ARFGEF1: variants seen among roughly 807,000 people sequenced by gnomAD.
ARFGEF1 encodes the protein ARF guanine nucleotide exchange factor 1.
ARFGEF1 carries 42 observed loss-of-function variants against 231.0 expected under a neutral mutation model. The observed-to-expected ratio is 0.18, with a 90% CI of 0.14 to 0.24. The LOEUF is 0.24. ARFGEF1 is among the 10% of genes least tolerant of loss of function. The probability of loss-of-function intolerance (pLI) is 1.00; values close to 1 mark genes in which losing one functional copy is unlikely to be tolerated. For missense variants in ARFGEF1, 1,345 were observed against 2,192.0 expected, an observed-to-expected ratio of 0.61 and a Z score of 7.72; for synonymous variants, 710 against 732.3, an observed-to-expected ratio of 0.97 and a Z score of 0.49.
At chr8:67,175,650 G>A (rs1241831653) in intron 5 of ARFGEF1, 5 of 672,624 alleles carry the variant, frequency 7.4e-6, no homozygotes, top group Middle Eastern at 2.4e-4. Context: ...TGCATGAGAG[G>A]GGCCCAGTCA....
downstream of ARFGEF1, among the ~76,000 whole-genome samples, chr8:67,196,575 A>G (rs1381379461): frequency 1.3e-5 from 2 of 152,226 alleles, no homozygotes; most frequent in South Asian, 2.1e-4. Flanking sequence ...GGTAGACAAT[A>G]TCAGACAAAT....
chr8:67,302,735 T>C (rs907844685), intron 1 of ARFGEF1, among the ~76,000 whole-genome samples: 1 of 151,992 alleles, frequency 6.6e-6, no homozygotes, highest in Non-Finnish European at 1.5e-5. Flanking sequence ...TCTCAAAGCA[T>C]TTCCTTTTTC....
intron 29 of ARFGEF1, among the ~76,000 whole-genome samples, chr8:67,223,861 T>C (rs1839285534): frequency 1.3e-5 from 2 of 152,168 alleles, no homozygotes; most frequent in Admixed American, 6.5e-5. Flanking sequence ...TTTTAACAAG[T>C]TCCTAACAGG....
downstream of ARFGEF1, chr8:67,195,820 A>AAATT (rs1837833986): frequency 2.0e-6 from 1 of 491,066 alleles, no homozygotes. Flanking sequence ...GTTTTGTCAT[A>AAATT]AATTAGGGTG....
chr8:67,238,766 T>A lies in ARFGEF1; in HGVS notation c.3107A>T (p.Asp1036Val), dbSNP rs1839843316. The A allele has an allele frequency of 1.9e-6, 3 of 1,613,656 alleles. No homozygotes were observed. The highest frequency in any genetic ancestry group is 2.5e-6 in the Non-Finnish European group (3 of 1,179,836). ...IKTLITVAHT[D>V]GNYLGNSWHE... ...CCATGAATTTCCTAAATAATTTCCATCTGTATGAGCCACTGTGATAAGTGT... is the reference window on the plus strand; with the variant it reads ...CCATGAATTTCCTAAATAATTTCCAACTGTATGAGCCACTGTGATAAGTGT... Residue 1036 changes from aspartate (D) to valine (V), a missense_variant, in exon 21 of 39, where the codon GAT becomes GTT. Transcript: ENST00000262215.
At chr8:67,297,663 C>T (rs988471794) in intron 4 of ARFGEF1, among the ~76,000 whole-genome samples, 1 of 152,128 alleles carries the variant, frequency 6.6e-6, no homozygotes, top group African/African-American at 2.4e-5. Flanking sequence ...GGGTTACTTC[C>T]AATTTCTCAA....
chr8:67,272,734 C>T (rs906025157), intron 9 of ARFGEF1, among the ~76,000 whole-genome samples: 1 of 152,128 alleles, frequency 6.6e-6, no homozygotes, highest in African/African-American at 2.4e-5. Context: ...AGTGACAGCA[C>T]TAATTCAAGC....
At chr8:67,311,631 G>A (rs1215043128) in intron 1 of ARFGEF1, among the ~76,000 whole-genome samples, 52 of 150,448 alleles carry the variant, frequency 3.5e-4, no homozygotes, top group African/African-American at 5.4e-4. Context: ...CAGCCCCCCC[G>A]CCCAGCCAGC....
At chr8:67,257,857 TTA>T in intron 16 of ARFGEF1, 41 bp from the exon 17 acceptor site, 1 of 1,501,936 alleles carries the variant, frequency 6.7e-7, no homozygotes, top group Non-Finnish European at 9.1e-7. Flanking sequence ...TTCTACTGTT[TTA>T]TATAGTTTCA....
chr8:67,212,687 T>C (rs574071516), intron 33 of ARFGEF1, among the ~76,000 whole-genome samples: 1 of 152,224 alleles, frequency 6.6e-6, no homozygotes, highest in South Asian at 2.1e-4. Flanking sequence ...CCTTACCTGC[T>C]GTGTGAAAGG....
chr8:67,329,002 C>T (rs1304330373), intron 1 of ARFGEF1, among the ~76,000 whole-genome samples: 1 of 151,978 alleles, frequency 6.6e-6, no homozygotes, highest in Non-Finnish European at 1.5e-5. Context: ...TTGAGGCGGG[C>T]GGATCACGAG....
At chr8:67,267,316 G>A (rs751958382) in intron 11 of ARFGEF1, 27 bp downstream of exon 11, 7 of 1,588,274 alleles carry the variant, frequency 4.4e-6, no homozygotes, top group Admixed American at 3.5e-5. Flanking sequence ...ATAAGAAAGA[G>A]ATAATAAAAA....
chr8:67,340,520 T>C (rs1808578701), intron 1 of ARFGEF1, among the ~76,000 whole-genome samples: 2 of 152,206 alleles, frequency 1.3e-5, no homozygotes, highest in Admixed American at 6.5e-5. Flanking sequence ...GGACAATACA[T>C]TTGTGGGAAT....
chr8:67,339,805 G>GGGGGGGGGGGTTTTT (rs79194289), intron 1 of ARFGEF1, among the ~76,000 whole-genome samples: 1 of 92,686 alleles, frequency 1.1e-5, no homozygotes. Flanking sequence ...CGGGGGGGGG[G>GGGGGGGGGGGTTTTT]ATTCTTTCTT....
chr8:67,185,923 A>T (rs914271407), intron 5 of ARFGEF1, among the ~76,000 whole-genome samples: 3 of 152,162 alleles, frequency 2.0e-5, no homozygotes, highest in Non-Finnish European at 4.4e-5. Context: ...AAAACTCCTA[A>T]AACACCAAAA....
At chr8:67,246,346 T>G (rs878997795) in intron 19 of ARFGEF1, among the ~76,000 whole-genome samples, 4 of 150,588 alleles carry the variant, frequency 2.7e-5, no homozygotes, top group African/African-American at 9.9e-5. Flanking sequence ...TTCTAGAGGA[T>G]AGACCATATG....
At chr8:67,268,771 G>A (rs183645461) in intron 10 of ARFGEF1, among the ~76,000 whole-genome samples, 30 of 152,216 alleles carry the variant, frequency 2.0e-4, no homozygotes, top group African/African-American at 7.0e-4. Flanking sequence ...GCATACTATT[G>A]TCTTTGAAAT....
intron 5 of ARFGEF1, among the ~76,000 whole-genome samples, chr8:67,187,205 T>C (rs773638724): frequency 6.6e-6 from 1 of 152,168 alleles, no homozygotes; most frequent in Non-Finnish European, 1.5e-5. Flanking sequence ...ATTATGTGGA[T>C]AACAACAAAC....
chr8:67,275,255 G>GA (rs1805264633), intron 9 of ARFGEF1, among the ~76,000 whole-genome samples: 1 of 131,306 alleles, frequency 7.6e-6, no homozygotes, highest in African/African-American at 2.8e-5. Context: ...AATATTAGAG[G>GA]TGGGCGACTC....
Sources: allele counts gnomAD v4.1 joint callset (sites outside exome capture counted in the v4.1 genomes callset), GRCh38; gene constraint gnomAD v4.1.1; transcripts MANE v1.5; gene names NCBI Gene and HGNC (gene_info 2026-07-23, HGNC 2026-07-21).